The following SORCS3 variants were observed in gnomAD, a reference collection of about 807,000 sequenced individuals.
The protein encoded by SORCS3 is VPS10 domain-containing receptor SorCS3.
SORCS3 carries 57 observed loss-of-function variants against 146.3 expected under a neutral mutation model. That is an observed-to-expected ratio of 0.39 (90% CI 0.31 to 0.49). SORCS3 has a LOEUF of 0.49. Among genes scored for constraint, SORCS3 ranks in the 20% least tolerant of loss-of-function variants. The pLI is 0.92. For missense variants in SORCS3, 1,341 were observed against 1,575.5 expected (o/e 0.85, Z 2.52); for synonymous variants, 653 against 618.5 (o/e 1.06, Z -0.83).
chr10:105,179,159 C>T (rs11815939), intron 14 of SORCS3, among the ~76,000 whole-genome samples: 2,986 of 152,186 alleles, frequency 0.02, 55 homozygotes, highest in South Asian at 0.059. Flanking sequence ...GCCCCATTCT[C>T]GTCTATGAGG....
intron 5 of SORCS3, among the ~76,000 whole-genome samples, chr10:105,073,565 G>C (rs868100905): frequency 1.3e-5 from 2 of 152,282 alleles, no homozygotes; most frequent in South Asian, 4.1e-4. Flanking sequence ...TGAGGCTACT[G>C]GTAGTTGATT....
chr10:105,248,945 A>G (rs555495177), intron 22 of SORCS3, among the ~76,000 whole-genome samples: 1 of 152,200 alleles, frequency 6.6e-6, no homozygotes, highest in African/African-American at 2.4e-5. Flanking sequence ...GAATAGGTTT[A>G]TATGTCAGTA....
intron 14 of SORCS3, among the ~76,000 whole-genome samples, chr10:105,192,369 G>T (rs1428593134): frequency 6.6e-6 from 1 of 152,060 alleles, no homozygotes; most frequent in African/African-American, 2.4e-5. Flanking sequence ...GGAAAAGCAT[G>T]TTGAAGCCTG....
At chr10:105,196,450 A>G (rs1345969030) in intron 14 of SORCS3, among the ~76,000 whole-genome samples, 3 of 152,120 alleles carry the variant, frequency 2.0e-5, no homozygotes, top group African/African-American at 7.2e-5. Flanking sequence ...TTAAAAAAGT[A>G]CAAAATTAGC....
chr10:104,833,163 A>G (rs548703090), intron 1 of SORCS3, among the ~76,000 whole-genome samples: 4 of 152,312 alleles, frequency 2.6e-5, no homozygotes, highest in Admixed American at 2.0e-4. Context: ...GTCATGTTGT[A>G]TGGGACACCA....
chr10:105,160,191 T>A (rs1057278739), intron 11 of SORCS3, among the ~76,000 whole-genome samples: 2 of 152,158 alleles, frequency 1.3e-5, no homozygotes, highest in African/African-American at 4.8e-5. Flanking sequence ...AAAGTTAATA[T>A]TATCTGAATA....
intron 13 of SORCS3, 21 bp from the exon 14 acceptor site, chr10:105,178,039 TTTTTTG>T (rs1207270368): frequency 6.4e-7 from 1 of 1,555,320 alleles, no homozygotes; most frequent in Non-Finnish European, 8.9e-7. Flanking sequence ...TTCAGCTGTC[TTTTTTG>T]TGTACTTGTT....
chr10:104,872,278 CT>C (rs1477228659), intron 2 of SORCS3, among the ~76,000 whole-genome samples: 3 of 152,246 alleles, frequency 2.0e-5, no homozygotes, highest in East Asian at 1.9e-4. Context: ...CCAGCAGTGA[CT>C]CCCCTGTGAC....
intron 5 of SORCS3, among the ~76,000 whole-genome samples, chr10:105,075,719 G>A (rs1043579021): frequency 6.6e-6 from 1 of 152,126 alleles, no homozygotes; most frequent in Admixed American, 6.5e-5. Context: ...AGTGCAGAGG[G>A]GAAAATCATA....
chr10:104,653,359 ATTTC>A (rs2015586377), intron 1 of SORCS3, among the ~76,000 whole-genome samples: 1 of 152,138 alleles, frequency 6.6e-6, no homozygotes, highest in South Asian at 2.1e-4. Flanking sequence ...ATTTGTACTG[ATTTC>A]TTTCTTTCTA....
At chr10:105,242,630 A>C (rs1255435271) in intron 20 of SORCS3, among the ~76,000 whole-genome samples, 1 of 103,442 alleles carries the variant, frequency 9.7e-6, no homozygotes, top group African/African-American at 4.0e-5. Flanking sequence ...ATATATATTT[A>C]TATACATTTA....
intron 1 of SORCS3, among the ~76,000 whole-genome samples, chr10:104,771,831 G>A (rs1450372246): frequency 6.6e-6 from 1 of 151,594 alleles, no homozygotes; most frequent in Non-Finnish European, 1.5e-5. Flanking sequence ...AGGACGATGG[G>A]GGAGGGAAAG....
chr10:104,958,182 A>G (rs2019517397), intron 3 of SORCS3, among the ~76,000 whole-genome samples: 1 of 152,210 alleles, frequency 6.6e-6, no homozygotes, highest in African/African-American at 2.4e-5. Context: ...TACAGAGTAC[A>G]GCAAGAAGAA....
intron 1 of SORCS3, among the ~76,000 whole-genome samples, chr10:104,819,393 T>C (rs952654638): frequency 1.3e-5 from 2 of 152,202 alleles, no homozygotes; most frequent in Admixed American, 6.5e-5. Context: ...TAGGTTCCCA[T>C]GTATCTTCAT....
At chr10:104,895,984 G>A (rs1006097592) in intron 2 of SORCS3, among the ~76,000 whole-genome samples, 1 of 152,192 alleles carries the variant, frequency 6.6e-6, no homozygotes, top group Non-Finnish European at 1.5e-5. Flanking sequence ...AGAAAAATGT[G>A]TTGGAGGAGA....
intron 13 of SORCS3, among the ~76,000 whole-genome samples, chr10:105,177,466 A>T (rs1309499338): frequency 6.6e-6 from 1 of 152,164 alleles, no homozygotes; most frequent in East Asian, 1.9e-4. Context: ...TCTTTAAAGC[A>T]TTGCAGGTTC....
intron 4 of SORCS3, among the ~76,000 whole-genome samples, chr10:105,015,870 C>T (rs941442382): frequency 3.3e-5 from 5 of 151,360 alleles, no homozygotes; most frequent in Admixed American, 3.3e-4. Context: ...GCTGGGATTA[C>T]AGGCGCACAC....
intron 7 of SORCS3, among the ~76,000 whole-genome samples, chr10:105,138,553 A>G (rs2056074106): frequency 6.6e-6 from 1 of 152,230 alleles, no homozygotes; most frequent in African/African-American, 2.4e-5. Context: ...AAGCCATGTT[A>G]TCTTCTCCTG....
chr10:104,742,999 G>A (rs2016867425), intron 1 of SORCS3, among the ~76,000 whole-genome samples: 1 of 152,182 alleles, frequency 6.6e-6, no homozygotes, highest in African/African-American at 2.4e-5. Flanking sequence ...CTTGAAATCA[G>A]AATGGAAAGC....
Sources: allele counts gnomAD v4.1 joint callset (sites outside exome capture counted in the v4.1 genomes callset), GRCh38; gene constraint gnomAD v4.1.1; transcripts MANE v1.5; gene names NCBI Gene and HGNC (gene_info 2026-07-23, HGNC 2026-07-21).